Variants in AGAP1 observed in about 807,000 individuals in gnomAD.
AGAP1 encodes the protein arf-GAP with GTPase, ANK repeat and PH domain-containing protein 1.
AGAP1 carries 29 observed loss-of-function variants against 105.3 expected under a neutral mutation model. That is an observed-to-expected ratio of 0.28 (90% CI 0.21 to 0.38). The LOEUF is 0.38. Among genes scored for constraint, AGAP1 ranks in the 10% least tolerant of loss-of-function variants. The pLI, the probability that AGAP1 is intolerant of heterozygous loss-of-function variation, is 1.00. For synonymous variants in AGAP1, 509 were observed against 485.9 expected (o/e 1.05, Z -0.63); for missense variants, 998 against 1,165.1 (o/e 0.86, Z 2.09).
At chr2:235,916,995 A>G (rs187151713) in intron 11 of AGAP1, among the ~76,000 whole-genome samples, 17 of 152,270 alleles carry the variant, frequency 1.1e-4, no homozygotes, top group Non-Finnish European at 2.2e-4. Flanking sequence ...TCCTGTGGTC[A>G]CTTTATTCTG....
At position 235,767,456 on chromosome 2, in the gene AGAP1, C is replaced by T. The variant is rs1955057501; in HGVS notation, c.673+16968C>T. Reference sequence around the variant, plus strand: ...CCCACACCATCAGCCTCTGTGCAGCCGTTGCTTTTTCCGTTGACCAAAGCC... The same window carrying T: ...CCCACACCATCAGCCTCTGTGCAGCTGTTGCTTTTTCCGTTGACCAAAGCC... On this transcript the variant is annotated intron_variant, in intron 6 of 17. Coordinates refer to ENST00000304032, the MANE Select transcript of AGAP1 (RefSeq NM_001037131.3). Among the ~76,000 whole-genome samples, 5 of 152,048 alleles carry T rather than the reference C, an allele frequency of 3.3e-5. No homozygotes were observed. In the South Asian group the frequency reaches 1.0e-3, roughly 31 times the overall value.
At position 235,664,899 on chromosome 2, in the gene AGAP1, T is replaced by C. The variant is rs897639202; in HGVS notation, c.164-44280T>C. 3.3e-5 allele frequency among the ~76,000 whole-genome samples: 5 copies of C among 152,038 alleles called. No individual in the cohort carries two copies. The highest frequency in any genetic ancestry group is 1.2e-4 in the African/African-American group (5 of 41,404). On this transcript the variant is annotated intron_variant, in intron 1 of 17. Coordinates refer to ENST00000304032, the MANE Select transcript of AGAP1 (RefSeq NM_001037131.3). This position sits in a 1 kb window ranked among gnomAD's most constrained non-coding sequence, Gnocchi z 5.7. ...ACAAGGGAGACCCACCTGTGCAATA[T>C]AGTGAGACCCCCATCTTTACCATAA...
At position 235,716,805 on chromosome 2, in the gene AGAP1, C is replaced by A. The variant is rs1241557902; in HGVS notation, c.223-752C>A. On this transcript the variant is annotated intron_variant, in intron 2 of 17. Coordinates refer to ENST00000304032, the MANE Select transcript of AGAP1 (RefSeq NM_001037131.3). This position sits in a 1 kb window ranked among gnomAD's most constrained non-coding sequence, Gnocchi z 4.0. ...TGTGTCTCCTGTGTCAACAGGGAGG[C>A]TTCCTGTGAAGAATCCCCTGGAAAG... Among the ~76,000 whole-genome samples the A allele has an allele frequency of 6.6e-6, 1 of 152,062 alleles. No homozygotes were observed. The highest frequency in any genetic ancestry group is 1.5e-5 in the Non-Finnish European group (1 of 67,996).
At chr2:236,098,311 C>T (rs2059246123) in intron 16 of AGAP1, among the ~76,000 whole-genome samples, 1 of 152,070 alleles carries the variant, frequency 6.6e-6, no homozygotes, top group African/African-American at 2.4e-5. Flanking sequence ...GGTGCAGGGG[C>T]TCACACCTGT....
intron 1 of AGAP1, among the ~76,000 whole-genome samples, chr2:235,548,002 G>A (rs1434908259): frequency 3.9e-5 from 6 of 152,234 alleles, no homozygotes; most frequent in African/African-American, 9.6e-5. Context: ...CAGGTATAGC[G>A]GTGACAGCTA....
chr2:235,729,446 G>A lies in AGAP1; in HGVS notation c.311-11517G>A, dbSNP rs1951824600. Reference sequence around the variant, plus strand: ...TGGAAGAACCACTGGGCCTTGCAGGGTCAGCTCAGCCTGAGAGCCAGTGAC... The same window carrying A: ...TGGAAGAACCACTGGGCCTTGCAGGATCAGCTCAGCCTGAGAGCCAGTGAC... On this transcript the variant is annotated intron_variant, in intron 3 of 17. Coordinates refer to ENST00000304032, the MANE Select transcript of AGAP1 (RefSeq NM_001037131.3). This position sits in a 1 kb window ranked among gnomAD's most constrained non-coding sequence, Gnocchi z 5.0. Among the ~76,000 whole-genome samples the A allele has an allele frequency of 6.6e-6, 1 of 152,120 alleles. No homozygotes were observed. The highest frequency in any genetic ancestry group is 1.5e-5 in the Non-Finnish European group (1 of 68,036).
At position 235,888,132 on chromosome 2, in the gene AGAP1, G is replaced by A. The variant is rs929931015; in HGVS notation, c.1155+4683G>A. Among the ~76,000 whole-genome samples, 1 of 152,182 alleles carries A rather than the reference G, an allele frequency of 6.6e-6. No individual in the cohort carries two copies. Among genetic ancestry groups the A allele is most frequent in the African/African-American group, 2.4e-5 (1 of 41,444 alleles). On this transcript the variant is annotated intron_variant, in intron 10 of 17. Coordinates refer to ENST00000304032, the MANE Select transcript of AGAP1 (RefSeq NM_001037131.3). The surrounding 1 kb of genome is among the most constrained non-coding windows in gnomAD (Gnocchi z 4.8). ...CTGGGGAGAGGGTCTTGCACACAAG[G>A]AACATTGGAGCAAGAGTAAACAACT... is the stretch of plus-strand genomic sequence containing the variant.
rs1281949363 is a variant in AGAP1, at chr2:235,680,580, TCTC to T, written c.164-28596_164-28594del. On this transcript the variant is annotated intron_variant, in intron 1 of 17. Coordinates refer to ENST00000304032, the MANE Select transcript of AGAP1 (RefSeq NM_001037131.3). ...AGGCACCGAGAGCAGGAGGCTGGCT[TCTC>T]CTGGTGTCTTGTCCTTGGCAGGGAG... is the stretch of plus-strand genomic sequence containing the variant. Among the ~76,000 whole-genome samples the T allele has an allele frequency of 6.6e-5, 10 of 151,998 alleles. No individual in the cohort carries two copies. In the South Asian group the frequency reaches 2.1e-3, roughly 32 times the overall value.
rs907602568 is a variant in AGAP1, at chr2:236,123,556, G to T, written c.2371-363G>T. Among the ~76,000 whole-genome samples, 1 of 152,136 alleles carries T rather than the reference G, an allele frequency of 6.6e-6. No individual in the cohort carries two copies. Among genetic ancestry groups the T allele is most frequent in the Non-Finnish European group, 1.5e-5 (1 of 68,016 alleles). ...GGGTGATTTTTTTTCTTCTTGAGCT[G>T]TTATGTGTTATTTGTGTATTTCCTA... On this transcript the variant is annotated intron_variant, in intron 17 of 17. Coordinates refer to ENST00000304032, the MANE Select transcript of AGAP1 (RefSeq NM_001037131.3). The surrounding 1 kb of genome is among the most constrained non-coding windows in gnomAD (Gnocchi z 4.6).
At position 235,691,743 on chromosome 2, in the gene AGAP1, C is replaced by T. The variant is rs1048830934; in HGVS notation, c.164-17436C>T. The stretch of plus-strand genomic sequence containing the variant: ...TGGGGACCACGCCTCCCTTCCCTTC[C>T]TTCCCTGTCCTGAGTGTGACCTCCG... On this transcript the variant is annotated intron_variant, in intron 1 of 17. Coordinates refer to ENST00000304032, the MANE Select transcript of AGAP1 (RefSeq NM_001037131.3). This position sits in a 1 kb window ranked among gnomAD's most constrained non-coding sequence, Gnocchi z 4.4. Among the ~76,000 whole-genome samples the T allele has an allele frequency of 6.6e-6, 1 of 152,220 alleles. No individual in the cohort carries two copies. The highest frequency in any genetic ancestry group is 6.5e-5 in the Admixed American group (1 of 15,286).
rs1482944300 is a variant in AGAP1, at chr2:235,725,429, G to A, written c.310+7785G>A. Among the ~76,000 whole-genome samples, 1 of 151,502 alleles carries A rather than the reference G, an allele frequency of 6.6e-6. No homozygotes were observed. Among genetic ancestry groups the A allele is most frequent in the East Asian group, 1.9e-4 (1 of 5,172 alleles). On this transcript the variant is annotated intron_variant, in intron 3 of 17. Coordinates refer to ENST00000304032, the MANE Select transcript of AGAP1 (RefSeq NM_001037131.3). This position sits in a 1 kb window ranked among gnomAD's most constrained non-coding sequence, Gnocchi z 5.7. ...CAAGTCAAATAACTTAAAAAAAAAG[G>A]TTGTCAGCTACCACTGCATCCCAGA...
chr2:235,870,734 C>T (rs549742721), intron 9 of AGAP1, among the ~76,000 whole-genome samples: 2 of 152,306 alleles, frequency 1.3e-5, no homozygotes, highest in Admixed American at 6.5e-5. Flanking sequence ...CTGCTCTGGG[C>T]ATAAGAACTG....
At chr2:235,923,970 G>A (rs1179969038) in intron 11 of AGAP1, among the ~76,000 whole-genome samples, 2 of 151,600 alleles carry the variant, frequency 1.3e-5, no homozygotes, top group Non-Finnish European at 2.9e-5. Flanking sequence ...TCCTGGGACA[G>A]CCCCGAGCTT....
rs997378567 is a variant in AGAP1, at chr2:235,843,422, G to A, written c.1050+36091G>A. ...TCTGCTTATTGCATGGCACGGTCTG[G>A]TTGGGCCCCACTTTCTTCCTGGAAA... On this transcript the variant is annotated intron_variant, in intron 9 of 17. Transcript: ENST00000304032. This position sits in a 1 kb window ranked among gnomAD's most constrained non-coding sequence, Gnocchi z 5.9. Among the ~76,000 whole-genome samples, 1 of 152,094 alleles carries A rather than the reference G, an allele frequency of 6.6e-6. No individual in the cohort carries two copies. The highest frequency in any genetic ancestry group is 2.4e-5 in the African/African-American group (1 of 41,408).
intron 13 of AGAP1, among the ~76,000 whole-genome samples, chr2:236,016,374 G>T (rs1331688667): frequency 7.5e-6 from 1 of 132,468 alleles, no homozygotes; most frequent in African/African-American, 3.0e-5. Flanking sequence ...CAAATATGTT[G>T]GGTTTGCTTT....
rs994722269 is a variant in AGAP1 at position 235,701,986 on chromosome 2, C to G, written c.164-7193C>G. Among the ~76,000 whole-genome samples the G allele has an allele frequency of 6.6e-6, 1 of 152,056 alleles. No homozygotes were observed. Among genetic ancestry groups the G allele is most frequent in the Non-Finnish European group, 1.5e-5 (1 of 68,024 alleles). On this transcript the variant is annotated intron_variant, in intron 1 of 17. Coordinates refer to ENST00000304032, the MANE Select transcript of AGAP1 (RefSeq NM_001037131.3). This position sits in a 1 kb window ranked among gnomAD's most constrained non-coding sequence, Gnocchi z 4.1. ...AAAATAATAGTTAAAATCCTTGTGA[C>G]GTTTAAGGTTTTCAAAGAAAATTCC...
At position 235,638,526 on chromosome 2, in the gene AGAP1, G is replaced by C. The variant is rs989397947; in HGVS notation, c.164-70653G>C. The stretch of plus-strand genomic sequence containing the variant: ...TTTCACTTTATTAAGTTAAAAACAA[G>C]TTATAAAATAGTAGGTCACATATAA... On this transcript the variant is annotated intron_variant, in intron 1 of 17. Transcript: ENST00000304032. Among the ~76,000 whole-genome samples the C allele has an allele frequency of 2.0e-5, 3 of 152,206 alleles. No homozygotes were observed. The South Asian group carries it at 6.2e-4, about 32-fold the overall frequency.
rs538633564 is a variant in AGAP1, at chr2:235,740,179, G to A, written c.311-784G>A. Among the ~76,000 whole-genome samples the A allele has an allele frequency of 6.6e-6, 1 of 152,236 alleles. No homozygotes were observed. The highest frequency in any genetic ancestry group is 1.5e-5 in the Non-Finnish European group (1 of 68,014). ...CCAGCAGGAGCAGGGCTGGCCTAGC[G>A]GGCCGGGCTGGGCACTGCAGCAACC... On this transcript the variant is annotated intron_variant, in intron 3 of 17. Transcript: ENST00000304032. The surrounding 1 kb of genome is among the most constrained non-coding windows in gnomAD (Gnocchi z 5.7).
chr2:235,540,230 A>G (rs1329985105), intron 1 of AGAP1, among the ~76,000 whole-genome samples: 3 of 147,090 alleles, frequency 2.0e-5, no homozygotes, highest in Non-Finnish European at 4.4e-5. Context: ...AGCTCACTGC[A>G]ACCTCTGCCT....
Sources: gnomAD v4.1 joint callset for allele counts (sites outside exome capture counted in the v4.1 genomes callset) on GRCh38, gnomAD v4.1.1 for gene constraint, Gnocchi (gnomAD v3.1) non-coding constraint, MANE v1.5 for transcripts, NCBI Gene and HGNC (gene_info 2026-07-23, HGNC 2026-07-21) for gene names.